MYOM1: variants seen among roughly 807,000 people sequenced by gnomAD.
The protein encoded by MYOM1 is myomesin 1.
Under a neutral mutation model 205.3 loss-of-function variants are expected in MYOM1, and 164 were observed. That is an observed-to-expected ratio of 0.80 (90% CI 0.70 to 0.91). The LOEUF is 0.91. Among genes scored for constraint, MYOM1 ranks in the 40% least tolerant of loss-of-function variants. The pLI is 0.00. For missense variants in MYOM1, 2,011 were observed against 2,127.3 expected (o/e 0.95, Z 1.08); for synonymous variants, 772 against 789.4 (o/e 0.98, Z 0.37).
In MYOM1 at chr18:3,116,394, G is replaced by C. The variant is rs1314289843; in HGVS notation, c.3240C>G (p.Ala1080=). ...CTCGCCACTGGTCTTCTTTGGCCTT[G>C]GCCTCCTTCAAGTCCACGAAGTAAC... ...VTGYFVDLKE[A]KAKEDQWRGL... Residue 1080 remains alanine (A), a synonymous_variant, in exon 21 of 38, where the codon GCC becomes GCG. Transcript: ENST00000356443. 1 of 1,613,494 alleles carries C rather than the reference G, an allele frequency of 6.2e-7. No individual in the cohort carries two copies. The highest frequency in any genetic ancestry group is 1.3e-5 in the African/African-American group (1 of 75,010).
chr18:3,156,529 A>G (rs907987155), intron 10 of MYOM1, among the ~76,000 whole-genome samples: 1 of 152,130 alleles, frequency 6.6e-6, no homozygotes, highest in African/African-American at 2.4e-5. Flanking sequence ...TAACTAACTC[A>G]TTGTGCCTAA....
rs1380395696 is a variant in MYOM1 at position 3,219,036 on chromosome 18, C to G, written c.-29+767G>C. ...TCATCAAGTAAGCCCTTGAAGTTAA[C>G]TAAAGCCAGGATTAGCTCCAACACA... On this transcript the variant is annotated intron_variant, in intron 1 of 37. Coordinates refer to ENST00000356443, the MANE Select transcript of MYOM1 (RefSeq NM_003803.4). This position sits in a 1 kb window ranked among gnomAD's most constrained non-coding sequence, Gnocchi z 4.4. Among the ~76,000 whole-genome samples, 1 of 152,264 alleles carries G rather than the reference C, an allele frequency of 6.6e-6. No homozygotes were observed. The highest frequency in any genetic ancestry group is 6.5e-5 in the Admixed American group (1 of 15,286).
the MYOM1 span, among the ~76,000 whole-genome samples, chr18:3,233,312 C>A: frequency 6.6e-6 from 1 of 152,198 alleles, no homozygotes; most frequent in East Asian, 1.9e-4. Context: ...TTTTCTACTA[C>A]TTTTGTTCCA....
Position 3,142,023 on chromosome 18 carries a change from A to G in MYOM1, c.1941T>C (p.Thr647=). Residue 647 remains threonine, a synonymous_variant, in exon 14 of 38, where the codon ACT becomes ACC. Transcript: ENST00000356443. ...GCACCACATAGCTCCGGGTGGCCTC[A>G]GTGACAGAGAGGTCTGTCGGGGGGC... ...VPGPPTDLSV[T]EATRSYVVLS... 2.5e-6 allele frequency: 4 copies of G among 1,613,792 alleles called. No homozygotes were observed. Among genetic ancestry groups the G allele is most frequent in the Non-Finnish European group, 3.4e-6 (4 of 1,179,776 alleles).
intron 33 of MYOM1, among the ~76,000 whole-genome samples, chr18:3,079,719 T>C (rs542133552): frequency 6.6e-6 from 1 of 152,088 alleles, no homozygotes; most frequent in African/African-American, 2.4e-5. Context: ...GCATATTTCA[T>C]CTAGATAATC....
intron 10 of MYOM1, among the ~76,000 whole-genome samples, chr18:3,159,778 T>C (rs2080354166): frequency 2.0e-5 from 3 of 152,124 alleles, no homozygotes; most frequent in Non-Finnish European, 4.4e-5. Context: ...TCTACAGAGA[T>C]AGAAAGTGAA....
chr18:3,244,001 G>T, the MYOM1 span, among the ~76,000 whole-genome samples: 1 of 152,262 alleles, frequency 6.6e-6, no homozygotes, highest in South Asian at 2.1e-4. Flanking sequence ...CGAAATAATT[G>T]ATTGCTATAA....
chr18:3,199,253 A>G (rs2081034545), intron 2 of MYOM1, among the ~76,000 whole-genome samples: 1 of 152,230 alleles, frequency 6.6e-6, no homozygotes, highest in African/African-American at 2.4e-5. Context: ...GAATAACAGT[A>G]GCAATAATCT....
chr18:3,206,881 A>G (rs1430692729), intron 2 of MYOM1, among the ~76,000 whole-genome samples: 1 of 152,196 alleles, frequency 6.6e-6, no homozygotes, highest in Non-Finnish European at 1.5e-5. Context: ...TAGCGTCATA[A>G]TAAATATTAT....
chr18:3,112,684 A>C (rs961636429), intron 21 of MYOM1, among the ~76,000 whole-genome samples: 5 of 152,220 alleles, frequency 3.3e-5, no homozygotes, highest in African/African-American at 1.2e-4. Flanking sequence ...TTTAGTGGCC[A>C]CCAACATCAG....
chr18:3,173,905 G>C, intron 8 of MYOM1, 33 bp downstream of exon 8: 1 of 1,580,656 alleles, frequency 6.3e-7, no homozygotes, highest in Non-Finnish European at 8.7e-7. Flanking sequence ...TTTACATAGA[G>C]GTGACACTTA....
chr18:3,239,969 T>G, the MYOM1 span, among the ~76,000 whole-genome samples: 1 of 152,038 alleles, frequency 6.6e-6, no homozygotes, highest in African/African-American at 2.4e-5. Flanking sequence ...TTACATGGAT[T>G]ATTGTGCTTT....
At chr18:3,088,461 A>T (rs1393978092) in intron 29 of MYOM1, among the ~76,000 whole-genome samples, 1 of 152,146 alleles carries the variant, frequency 6.6e-6, no homozygotes, top group Non-Finnish European at 1.5e-5. Context: ...CATCTAGTAG[A>T]CACTGGGGCA....
intron 11 of MYOM1, among the ~76,000 whole-genome samples, chr18:3,153,018 T>TG (rs1322967660): frequency 6.6e-6 from 1 of 152,128 alleles, no homozygotes; most frequent in African/African-American, 2.4e-5. Flanking sequence ...GCTAGGGGTT[T>TG]GGGGAGGTGG....
At chr18:3,136,203 G>A (rs2079962182) in intron 14 of MYOM1, among the ~76,000 whole-genome samples, 1 of 152,098 alleles carries the variant, frequency 6.6e-6, no homozygotes, top group Admixed American at 6.6e-5. Context: ...ATGGAACTGT[G>A]AGTCCATTAA....
At chr18:3,238,327 G>A in the MYOM1 span, among the ~76,000 whole-genome samples, 1 of 152,160 alleles carries the variant, frequency 6.6e-6, no homozygotes, top group South Asian at 2.1e-4. Flanking sequence ...TGTGAGCGAT[G>A]GGGAGCAGTT....
chr18:3,181,732 A>ATTT (rs11448786), intron 5 of MYOM1, among the ~76,000 whole-genome samples: 1,312 of 127,018 alleles, frequency 0.01, 46 homozygotes, highest in African/African-American at 0.036. Flanking sequence ...AAACTGAATA[A>ATTT]TTTTTTTTTT....
At position 3,134,828 on chromosome 18, in the gene MYOM1, A is replaced by C. The variant is rs143030509; in HGVS notation, c.2210-4T>G. The C allele has an allele frequency of 0.011, 18,509 of 1,613,960 alleles. 138 individuals are homozygous for C. The highest frequency in any genetic ancestry group is 0.013 in the Non-Finnish European group (15,426 of 1,179,850). On this transcript the variant is annotated splice_polypyrimidine_tract_variant and splice_region_variant and intron_variant, in intron 15 of 37. Transcript: ENST00000356443. Reference sequence around the variant, plus strand: ...TTGCCAGGAGCCTTGGGGATATCTGAGAAAGAGGAAAATGGTGATCAAACT... The same window carrying C: ...TTGCCAGGAGCCTTGGGGATATCTGCGAAAGAGGAAAATGGTGATCAAACT...
intron 10 of MYOM1, among the ~76,000 whole-genome samples, chr18:3,163,449 CT>C (rs148732131): frequency 0.11 from 16,584 of 149,452 alleles, 1,054 homozygotes; most frequent in Middle Eastern, 0.19. Context: ...ACTAGGTCTA[CT>C]TTTTTTTTTG....
Sources: allele counts gnomAD v4.1 joint callset (sites outside exome capture counted in the v4.1 genomes callset), GRCh38; gene constraint gnomAD v4.1.1; non-coding constraint Gnocchi (gnomAD v3.1); transcripts MANE v1.5; gene names NCBI Gene and HGNC (gene_info 2026-07-23, HGNC 2026-07-21).